Variants in SORBS2 observed in about 807,000 individuals in gnomAD.
SORBS2 encodes the protein sorbin and SH3 domain containing 2, also known as sorbin and SH3 domain-containing protein 2.
In SORBS2, 46 loss-of-function variants were observed where a neutral mutation model predicts 97.7. The ratio of observed to expected loss-of-function variants is 0.47; its 90% CI spans 0.37 to 0.60. The LOEUF is 0.60. SORBS2 is among the 20% of genes least tolerant of loss of function. SORBS2 has a pLI of 0.00. For synonymous variants in SORBS2, 476 were observed against 473.4 expected (o/e 1.01, Z -0.07); for missense variants, 1,316 against 1,282.3 (o/e 1.03, Z -0.40).
intron 1 of SORBS2, among the ~76,000 whole-genome samples, chr4:185,927,899 T>C (rs1370167455): frequency 6.6e-6 from 1 of 152,152 alleles, no homozygotes; most frequent in Non-Finnish European, 1.5e-5. Flanking sequence ...AACACGGACT[T>C]CTGATTTGTT....
At chr4:185,845,015 T>C (rs1186989456) in intron 1 of SORBS2, among the ~76,000 whole-genome samples, 1 of 141,506 alleles carries the variant, frequency 7.1e-6, no homozygotes, top group Non-Finnish European at 1.6e-5. Context: ...ATGATGAAAA[T>C]GCTTTTTTTT....
intron 14 of SORBS2, among the ~76,000 whole-genome samples, chr4:185,588,632 G>T (rs1433337570): frequency 3.2e-5 from 2 of 62,462 alleles, no homozygotes; most frequent in Non-Finnish European, 7.3e-5. Context: ...CCTTGTTTTT[G>T]AGATGGAGTT....
chr4:185,774,175 T>G (rs764429429), intron 2 of SORBS2: 3 of 152,166 alleles, frequency 2.0e-5, no homozygotes, highest in Non-Finnish European at 4.4e-5. Flanking sequence ...ACACGGAGAT[T>G]CTGAGGCAGC....
chr4:185,764,754 G>A (rs1197942526), intron 2 of SORBS2, among the ~76,000 whole-genome samples: 1 of 152,052 alleles, frequency 6.6e-6, no homozygotes. Context: ...TTATTGAGTC[G>A]TTCAAATGAT....
At chr4:185,822,791 T>G (rs1013412412) in intron 1 of SORBS2, among the ~76,000 whole-genome samples, 3 of 152,192 alleles carry the variant, frequency 2.0e-5, no homozygotes, top group Non-Finnish European at 4.4e-5. Context: ...GCCTAGAGTT[T>G]CAGAGTGCGC....
intron 2 of SORBS2, among the ~76,000 whole-genome samples, chr4:185,748,499 GC>G (rs905829117): frequency 2.0e-5 from 3 of 152,096 alleles, no homozygotes; most frequent in Admixed American, 6.5e-5. Flanking sequence ...GACTGCCTAA[GC>G]CCCCCCACCA....
At chr4:185,700,666 T>C (rs1356324066) in intron 2 of SORBS2, among the ~76,000 whole-genome samples, 1 of 152,186 alleles carries the variant, frequency 6.6e-6, no homozygotes, top group Non-Finnish European at 1.5e-5. Context: ...TTTAACCATC[T>C]GGTTCACAAT....
At chr4:185,699,283 C>A (rs1437789821) in intron 2 of SORBS2, among the ~76,000 whole-genome samples, 2 of 105,048 alleles carry the variant, frequency 1.9e-5, no homozygotes, top group Non-Finnish European at 4.0e-5. Flanking sequence ...ATGAAATGTA[C>A]CTTTTTTTTT....
chr4:185,776,161 T>C (rs1285721695), intron 1 of SORBS2, among the ~76,000 whole-genome samples: 1 of 152,244 alleles, frequency 6.6e-6, no homozygotes, highest in Non-Finnish European at 1.5e-5. Flanking sequence ...GAGCTTACTA[T>C]AAGCCAAGCA....
At chr4:185,894,868 G>A (rs959639221) in intron 1 of SORBS2, among the ~76,000 whole-genome samples, 34 of 152,112 alleles carry the variant, frequency 2.2e-4, no homozygotes, top group African/African-American at 7.5e-4. Flanking sequence ...CCAGCTCCTC[G>A]GAGCCTAGCA....
At chr4:185,897,214 G>T (rs181549732) in intron 1 of SORBS2, among the ~76,000 whole-genome samples, 2 of 152,086 alleles carry the variant, frequency 1.3e-5, no homozygotes, top group African/African-American at 4.8e-5. Flanking sequence ...CTTTCGCTCC[G>T]CCTTTCTGGG....
intron 1 of SORBS2, among the ~76,000 whole-genome samples, chr4:185,917,556 AT>A (rs2099258868): frequency 6.6e-6 from 1 of 152,198 alleles, no homozygotes; most frequent in African/African-American, 2.4e-5. Flanking sequence ...AAAACAGCAA[AT>A]GTTTCCCTGA....
intron 4 of SORBS2, among the ~76,000 whole-genome samples, chr4:185,636,646 C>CTT (rs2097008785): frequency 7.0e-6 from 1 of 142,274 alleles, no homozygotes; most frequent in South Asian, 2.2e-4. Flanking sequence ...CTCCAGTTGA[C>CTT]TATTTTTTTT....
intron 1 of SORBS2, among the ~76,000 whole-genome samples, chr4:185,917,202 T>C (rs2099258631): frequency 6.6e-6 from 1 of 152,320 alleles, no homozygotes; most frequent in African/African-American, 2.4e-5. Context: ...CCCTGCCCTG[T>C]GCGTCTCTTC....
At chr4:185,662,316 T>G in intron 4 of SORBS2, 74 bp from the exon 8 acceptor site, 1 of 1,438,880 alleles carries the variant, frequency 6.9e-7, no homozygotes, top group Non-Finnish European at 9.5e-7. Context: ...TAGGTGATAA[T>G]AAAAGACTTC....
At chr4:185,642,020 G>C (rs2097135063) in intron 4 of SORBS2, among the ~76,000 whole-genome samples, 1 of 152,178 alleles carries the variant, frequency 6.6e-6, no homozygotes, top group African/African-American at 2.4e-5. Flanking sequence ...TAAACAAAAA[G>C]AAGTGCCAGG....
chr4:185,730,505 C>T (rs922150881), intron 2 of SORBS2, among the ~76,000 whole-genome samples: 3 of 152,108 alleles, frequency 2.0e-5, no homozygotes, highest in South Asian at 2.1e-4. Flanking sequence ...TCCATCTGGC[C>T]GCACCACTGT....
chr4:185,659,104 A>G (rs901201977), upstream of SORBS2, among the ~76,000 whole-genome samples: 11 of 152,180 alleles, frequency 7.2e-5, no homozygotes, highest in African/African-American at 2.7e-4. Context: ...TGTAACTGCT[A>G]TTACTATGAT....
At chr4:185,655,308 G>A (rs540181344) in intron 1 of SORBS2, among the ~76,000 whole-genome samples, 1 of 152,320 alleles carries the variant, frequency 6.6e-6, no homozygotes, top group African/African-American at 2.4e-5. Flanking sequence ...ATGGTACATT[G>A]TGACAGTACC....
Sources: gnomAD v4.1 joint callset for allele counts (sites outside exome capture counted in the v4.1 genomes callset) on GRCh38, gnomAD v4.1.1 for gene constraint, MANE v1.5 for transcripts, NCBI Gene and HGNC (gene_info 2026-07-23, HGNC 2026-07-21) for gene names.